The following ABAT variants were observed in gnomAD, a reference collection of about 807,000 sequenced individuals.
ABAT encodes the protein 4-aminobutyrate aminotransferase, mitochondrial.
In ABAT, 45 loss-of-function variants were observed where a neutral mutation model predicts 64.6. The ratio of observed to expected loss-of-function variants is 0.70; its 90% CI spans 0.55 to 0.89. The LOEUF is 0.89. ABAT is among the 40% of genes least tolerant of loss of function. The pLI is 0.00. For synonymous variants in ABAT, 297 were observed against 250.5 expected (o/e 1.19, Z -1.75); for missense variants, 633 against 658.4 (o/e 0.96, Z 0.42).
chr16:8,759,210 C>T (rs2059729263), intron 6 of ABAT, among the ~76,000 whole-genome samples: 1 of 152,134 alleles, frequency 6.6e-6, no homozygotes, highest in Non-Finnish European at 1.5e-5. Context: ...CAAAGTTTCA[C>T]AACTCTTTTT....
intron 9 of ABAT, 133 bp downstream of exon 9, chr16:8,766,403 C>T: frequency 1.2e-6 from 1 of 846,222 alleles, no homozygotes; most frequent in Non-Finnish European, 1.9e-6. Flanking sequence ...GCCTGTAATC[C>T]CAGCACTTTG....
intron 1 of ABAT, among the ~76,000 whole-genome samples, chr16:8,724,909 A>ATCTCTT (rs2058496318): frequency 2.1e-4 from 1 of 4,690 alleles, no homozygotes; most frequent in African/African-American, 2.8e-4. Flanking sequence ...CAACTCCAAT[A>ATCTCTT]TCTCTTTTTT....
Position 8,783,868 on chromosome 16 carries a change from CTAT to C in ABAT, c.*2443_*2445del, listed in dbSNP as rs1239929225. On this transcript the variant is annotated 3_prime_UTR_variant, in exon 16 of 16. Coordinates refer to ENST00000268251, the MANE Select transcript of ABAT (RefSeq NM_020686.6). The stretch of plus-strand genomic sequence containing the variant: ...TAGTTTTATCTGGAAAATTCCAGAG[CTAT>C]TATTTACTCCTTACCAAGGGAAGTT... 2.0e-5 allele frequency: 3 copies of C among 152,184 alleles called. No individual in the cohort carries two copies. The highest frequency in any genetic ancestry group is 4.8e-5 in the African/African-American group (2 of 41,432). The allele number at this position is 152,184 out of a possible 1,614,324, so 9.4% of individuals were successfully genotyped here.
intron 9 of ABAT, among the ~76,000 whole-genome samples, chr16:8,767,289 G>C (rs570134521): frequency 6.6e-6 from 1 of 152,358 alleles, no homozygotes; most frequent in South Asian, 2.1e-4. Context: ...AGGCGCAGCT[G>C]CCATGGGAGA....
chr16:8,686,212 G>C (rs1362059604), intron 1 of ABAT, among the ~76,000 whole-genome samples: 6 of 152,240 alleles, frequency 3.9e-5, no homozygotes, highest in Admixed American at 3.3e-4. Context: ...CGCCGGTCTG[G>C]GGACAGGCTG....
At chr16:8,747,869 A>G (rs2059376839) in intron 3 of ABAT, among the ~76,000 whole-genome samples, 3 of 152,104 alleles carry the variant, frequency 2.0e-5, no homozygotes, top group South Asian at 4.1e-4. Flanking sequence ...AGTTTATTTT[A>G]TCTTTCAGGT....
At chr16:8,677,263 A>AG (rs2057226058) in intron 1 of ABAT, among the ~76,000 whole-genome samples, 1 of 152,212 alleles carries the variant, frequency 6.6e-6, no homozygotes, top group South Asian at 2.1e-4. Flanking sequence ...TGAAGTGGGG[A>AG]GGTGCTTATG....
intron 2 of ABAT, 132 bp from the exon 3 acceptor site, chr16:8,745,869 T>C (rs1242849711): frequency 1.2e-6 from 1 of 802,430 alleles, no homozygotes; most frequent in South Asian, 1.4e-5. Context: ...CACAGTGTTC[T>C]GGGGTGGTCT....
rs966081353 is a variant in ABAT, at chr16:8,766,276, T to G, written c.603+6T>G. ...AGACGTGCATGATTAACCAGGTGAG[T>G]GCAGCTGGGCTTGCACCACGTACAT... On this transcript the variant is annotated splice_donor_region_variant and intron_variant, in intron 9 of 15. Transcript: ENST00000268251. The G allele has an allele frequency of 1.9e-6, 3 of 1,613,332 alleles. No individual in the cohort carries two copies. Among genetic ancestry groups the G allele is most frequent in the Non-Finnish European group, 2.5e-6 (3 of 1,179,552 alleles).
chr16:8,729,804 C>G lies in ABAT; in HGVS notation c.-41-5895C>G, dbSNP rs1011379894. On this transcript the variant is annotated intron_variant, in intron 1 of 15. Transcript: ENST00000268251. ...ATCACGCCACTGCTCTCTAGTCTTT[C>G]TTTTGTCTAGCCCTTTTTTGTCTTA... Among the ~76,000 whole-genome samples the G allele has an allele frequency of 2.5e-5, 3 of 121,832 alleles. No individual in the cohort carries two copies. The East Asian group carries it at 7.3e-4, about 30-fold the overall frequency. The allele number at this position is 121,832 out of a possible 152,430, so 79.9% of individuals were successfully genotyped here.
intron 1 of ABAT, among the ~76,000 whole-genome samples, chr16:8,712,296 C>T (rs1234935816): frequency 6.6e-6 from 1 of 152,080 alleles, no homozygotes; most frequent in East Asian, 1.9e-4. Context: ...TACTTTTATG[C>T]AGGTTGAAAT....
At position 8,764,375 on chromosome 16, in the gene ABAT, G is replaced by A. The variant is rs2059882564; in HGVS notation, c.447+226G>A. On this transcript the variant is annotated intron_variant, in intron 7 of 15. Transcript: ENST00000268251. This position sits in a 1 kb window ranked among gnomAD's most constrained non-coding sequence, Gnocchi z 4.2. ...GAAATGAATATGTGTCGCATGATAGGAGCCTTGCATATGTCATTCAATCCT... is the reference window on the plus strand; with the variant it reads ...GAAATGAATATGTGTCGCATGATAGAAGCCTTGCATATGTCATTCAATCCT... Among the ~76,000 whole-genome samples the A allele has an allele frequency of 1.3e-5, 2 of 152,168 alleles. No individual in the cohort carries two copies.
intron 1 of ABAT, among the ~76,000 whole-genome samples, chr16:8,726,643 C>T (rs973153172): frequency 2.4e-4 from 37 of 152,330 alleles, no homozygotes; most frequent in African/African-American, 8.7e-4. Context: ...AGCAATGCTG[C>T]AACAAACATA....
At position 8,724,742 on chromosome 16, in the gene ABAT, AAAAC is replaced by A. The variant is rs1454748882; in HGVS notation, c.-41-10953_-41-10950del. Among the ~76,000 whole-genome samples the A allele has an allele frequency of 4.3e-3, 18 of 4,200 alleles. 1 individual carries two copies. The highest frequency in any genetic ancestry group is 0.012 in the Admixed American group (3 of 248). The allele number at this position is 4,200 out of a possible 152,430, so 2.8% of individuals were successfully genotyped here. ...AGACCTTGTCTCAGGAAAAAAAAAA[AAAAC>A]AAAAAAAAAAAAAAAAAAAAAAACA... On this transcript the variant is annotated intron_variant, in intron 1 of 15. Transcript: ENST00000268251.
At chr16:8,729,516 AC>A (rs1328942366) in intron 1 of ABAT, among the ~76,000 whole-genome samples, 1 of 152,032 alleles carries the variant, frequency 6.6e-6, no homozygotes, top group Non-Finnish European at 1.5e-5. Flanking sequence ...GGAGTAATGT[AC>A]CCTTCAGAAT....
chr16:8,739,223 C>G (rs147065598), intron 2 of ABAT, among the ~76,000 whole-genome samples: 1,806 of 152,276 alleles, frequency 0.012, 21 homozygotes, highest in Middle Eastern at 0.041. Context: ...AGGTCATTCT[C>G]CAGGACATCT....
At chr16:8,757,583 G>C (rs1383153609) in intron 5 of ABAT, among the ~76,000 whole-genome samples, 174 bp from the exon 6 acceptor site, 1 of 152,176 alleles carries the variant, frequency 6.6e-6, no homozygotes, top group Non-Finnish European at 1.5e-5. Flanking sequence ...TTCTGAGTCA[G>C]GGATGTTAGG....
At chr16:8,779,669 T>A in intron 15 of ABAT, 79 bp downstream of exon 15, 1 of 1,200,772 alleles carries the variant, frequency 8.3e-7, no homozygotes, top group Non-Finnish European at 1.2e-6. Context: ...TGCTAGGTAC[T>A]CAGCAATATT....
At chr16:8,700,027 C>T (rs1240737203) in intron 1 of ABAT, among the ~76,000 whole-genome samples, 1 of 151,984 alleles carries the variant, frequency 6.6e-6, no homozygotes, top group African/African-American at 2.4e-5. Context: ...TACGATGTTG[C>T]CCAGGCTGGT....
Sources: allele counts gnomAD v4.1 joint callset (sites outside exome capture counted in the v4.1 genomes callset), GRCh38; gene constraint gnomAD v4.1.1; non-coding constraint Gnocchi (gnomAD v3.1); transcripts MANE v1.5; gene names NCBI Gene and HGNC (gene_info 2026-07-23, HGNC 2026-07-21).